GSKIP: variants seen among roughly 807,000 people sequenced by gnomAD.
GSKIP encodes GSK3B-interacting protein.
A neutral mutation model predicts 11.9 loss-of-function variants in GSKIP; 5 were observed. The ratio of observed to expected loss-of-function variants is 0.42; its 90% CI spans 0.22 to 0.89. GSKIP has a LOEUF of 0.89. GSKIP is among the 40% of genes least tolerant of loss of function. GSKIP has a pLI of 0.29. For synonymous variants in GSKIP, 70 were observed against 62.9 expected (o/e 1.11, Z -0.54); for missense variants, 150 against 166.6 (o/e 0.90, Z 0.55).
chr14:96,367,573 T>G (rs1449982288), intron 1 of GSKIP, among the ~76,000 whole-genome samples: 1 of 152,244 alleles, frequency 6.6e-6, no homozygotes, highest in Non-Finnish European at 1.5e-5. Flanking sequence ...TAAGTATATA[T>G]GACTGTCTTT....
At chr14:96,381,829 A>G (rs1334029549) in intron 2 of GSKIP, among the ~76,000 whole-genome samples, 1 of 152,170 alleles carries the variant, frequency 6.6e-6, no homozygotes, top group Non-Finnish European at 1.5e-5. Context: ...TTGAAGGGTA[A>G]ATTGACAGTA....
At chr14:96,364,329 G>A (rs1427790077) in intron 1 of GSKIP, 1 of 152,080 alleles carries the variant, frequency 6.6e-6, no homozygotes, top group Non-Finnish European at 1.5e-5. Context: ...TGCCCTCCCC[G>A]AGCCCACGTT....
chr14:96,367,001 T>C (rs1888905583), intron 1 of GSKIP, among the ~76,000 whole-genome samples: 1 of 152,204 alleles, frequency 6.6e-6, no homozygotes, highest in Non-Finnish European at 1.5e-5. Context: ...CTTGGAGGAA[T>C]TGTACAACAC....
At chr14:96,376,344 G>A (rs910259145) in intron 1 of GSKIP, among the ~76,000 whole-genome samples, 1 of 151,556 alleles carries the variant, frequency 6.6e-6, no homozygotes, top group Non-Finnish European at 1.5e-5. Flanking sequence ...CTTATGCTTT[G>A]TTCCCTACAC....
intron 2 of GSKIP, among the ~76,000 whole-genome samples, chr14:96,381,824 G>A (rs1022414232): frequency 6.6e-6 from 1 of 151,964 alleles, no homozygotes; most frequent in Non-Finnish European, 1.5e-5. Flanking sequence ...TTTTTTTGAA[G>A]GGTAAATTGA....
At position 96,375,243 on chromosome 14, in the gene GSKIP, A is replaced by G. The variant is rs117726549; in HGVS notation, c.-102-4445A>G. Among the ~76,000 whole-genome samples the G allele has an allele frequency of 4.4e-3, 673 of 152,278 alleles. 25 individuals are homozygous for G. The South Asian group carries it at 0.067, about 15-fold the overall frequency. The stretch of plus-strand genomic sequence containing the variant: ...TTCAAAAGCAAGGAGGAAAATAAGG[A>G]AAAGGGAGTAAAGTACAGATGGGAC... On this transcript the variant is annotated intron_variant, in intron 1 of 3. Coordinates refer to ENST00000555181, the MANE Select transcript of GSKIP (RefSeq NM_016472.5).
intron 1 of GSKIP, chr14:96,364,089 G>C (rs57280159): frequency 0.32 from 49,223 of 152,226 alleles, 8,596 homozygotes; most frequent in African/African-American, 0.45. Flanking sequence ...AATGCTAAAG[G>C]CTCCTGACCC....
chr14:96,386,375 A>G lies in GSKIP; in HGVS notation c.*691A>G, dbSNP rs1889490552. On this transcript the variant is annotated 3_prime_UTR_variant, in exon 4 of 4. Coordinates refer to ENST00000555181, the MANE Select transcript of GSKIP (RefSeq NM_016472.5). ...AATGTAATAATTACTCATTTCCAAG[A>G]TATCTAAGCACATAAGCAAATACAG... The G allele has an allele frequency of 6.6e-6, 1 of 152,610 alleles. No homozygotes were observed. Among genetic ancestry groups the G allele is most frequent in the Non-Finnish European group, 1.5e-5 (1 of 68,030 alleles). 9.5% of individuals were successfully genotyped at this position (152,610 alleles called of 1,614,324 possible). A position where few individuals can be genotyped will look rare whatever the true frequency, so the allele number is the denominator to read the frequency against.
intron 1 of GSKIP, among the ~76,000 whole-genome samples, chr14:96,372,989 G>A (rs1889092067): frequency 6.6e-6 from 1 of 151,954 alleles, no homozygotes; most frequent in Admixed American, 6.5e-5. Context: ...CCAACACTTG[G>A]GAGGCTGAGG....
At chr14:96,372,510 G>T (rs79543291) in intron 1 of GSKIP, among the ~76,000 whole-genome samples, 1,987 of 152,298 alleles carry the variant, frequency 0.013, 56 homozygotes, top group African/African-American at 0.045. Context: ...CTTCAAAGTC[G>T]TGTTAAAATA....
chr14:96,370,499 G>A (rs910047965), intron 1 of GSKIP, among the ~76,000 whole-genome samples: 10 of 152,302 alleles, frequency 6.6e-5, no homozygotes, highest in Admixed American at 1.3e-4. Flanking sequence ...GGCGGGGTAG[G>A]GTTGGGGGGC....
chr14:96,373,104 C>T (rs754061734), intron 1 of GSKIP, among the ~76,000 whole-genome samples: 1 of 151,734 alleles, frequency 6.6e-6, no homozygotes, highest in Non-Finnish European at 1.5e-5. Flanking sequence ...GTGGTGGCCA[C>T]TTGTAATCCC....
intron 1 of GSKIP, among the ~76,000 whole-genome samples, chr14:96,369,440 A>G (rs1199849260): frequency 6.6e-6 from 1 of 152,194 alleles, no homozygotes; most frequent in Middle Eastern, 3.2e-3. Flanking sequence ...AAAGGCCCTC[A>G]AGGTATTTCA....
In GSKIP at chr14:96,383,114, A is replaced by G. The variant is rs562707261; in HGVS notation, c.258+609A>G. On this transcript the variant is annotated intron_variant, in intron 3 of 3. Transcript: ENST00000555181. ...ACCTGAGAGCAACTTTTAATTAAAA[A>G]AGAAAAAACTATAGGCCAGACCTGC... Among the ~76,000 whole-genome samples, 11 of 152,322 alleles carry G rather than the reference A, an allele frequency of 7.2e-5. No homozygotes were observed. In the South Asian group the frequency reaches 2.3e-3, roughly 32 times the overall value.
At chr14:96,367,434 A>G (rs1888917502) in intron 1 of GSKIP, among the ~76,000 whole-genome samples, 2 of 152,216 alleles carry the variant, frequency 1.3e-5, no homozygotes, top group Admixed American at 6.5e-5. Flanking sequence ...AAAGGTAATC[A>G]TGATTAAGAT....
intron 1 of GSKIP, chr14:96,364,284 C>T (rs978836277): frequency 6.6e-6 from 1 of 152,216 alleles, no homozygotes; most frequent in African/African-American, 2.4e-5. Flanking sequence ...CCGGCACTGA[C>T]ACCTATTAGC....
At chr14:96,373,604 A>G (rs1300448583) in intron 1 of GSKIP, among the ~76,000 whole-genome samples, 3 of 152,148 alleles carry the variant, frequency 2.0e-5, no homozygotes, top group Non-Finnish European at 4.4e-5. Flanking sequence ...TTCCATTAAA[A>G]AAAAAAAAGA....
chr14:96,368,749 C>CCCCT (rs1230489365), intron 1 of GSKIP, among the ~76,000 whole-genome samples: 2 of 152,066 alleles, frequency 1.3e-5, no homozygotes, highest in East Asian at 1.9e-4. Context: ...TCTCTCACTT[C>CCCCT]CCCTCCCTCC....
chr14:96,369,802 TGTG>T (rs1888994360), intron 1 of GSKIP, among the ~76,000 whole-genome samples: 1 of 151,976 alleles, frequency 6.6e-6, no homozygotes. Flanking sequence ...CAAGCAGAAA[TGTG>T]GTGTTGGAGC....
Sources: allele counts gnomAD v4.1 joint callset (sites outside exome capture counted in the v4.1 genomes callset), GRCh38; gene constraint gnomAD v4.1.1; transcripts MANE v1.5; gene names NCBI Gene and HGNC (gene_info 2026-07-23, HGNC 2026-07-21).